Variants in BCAS3 observed in about 807,000 individuals in gnomAD.
The protein encoded by BCAS3 is BCAS4/BCAS3 fusion.
A neutral mutation model predicts 116.1 loss-of-function variants in BCAS3; 53 were observed. That is an observed-to-expected ratio of 0.46 (90% CI 0.37 to 0.57). The LOEUF is 0.57. Among genes scored for constraint, BCAS3 ranks in the 20% least tolerant of loss-of-function variants. The pLI is 0.00. For synonymous variants in BCAS3, 391 were observed against 408.2 expected (o/e 0.96, Z 0.51); for missense variants, 917 against 1,165.4 (o/e 0.79, Z 3.10).
chr17:60,896,314 A>C (rs2057507669), intron 10 of BCAS3, among the ~76,000 whole-genome samples: 1 of 152,224 alleles, frequency 6.6e-6, no homozygotes, highest in Non-Finnish European at 1.5e-5. Flanking sequence ...AGCAAGACTC[A>C]GTCTCAATAA....
chr17:61,026,387 T>C lies in BCAS3; in HGVS notation c.1638-8279T>C, dbSNP rs1415967042. 6.6e-6 allele frequency among the ~76,000 whole-genome samples: 1 copy of C among 152,076 alleles called. No individual in the cohort carries two copies. The highest frequency in any genetic ancestry group is 1.5e-5 in the Non-Finnish European group (1 of 67,954). ...CGACAAATAAGCAGCTTGAAAAATA[T>C]GTGCCTCTTTCTGTGGTTCTGAGAC... On this transcript the variant is annotated intron_variant, in intron 16 of 23. Coordinates refer to ENST00000407086, the MANE Select transcript of BCAS3 (RefSeq NM_017679.5). The surrounding 1 kb of genome is among the most constrained non-coding windows in gnomAD (Gnocchi z 5.0).
chr17:61,201,606 G>A (rs945263958), intron 22 of BCAS3, among the ~76,000 whole-genome samples: 3 of 152,158 alleles, frequency 2.0e-5, no homozygotes, highest in Non-Finnish European at 2.9e-5. Flanking sequence ...AAGCCCTAGC[G>A]AGTTTGCTCA....
chr17:60,687,717 A>C (rs904283666), intron 3 of BCAS3, among the ~76,000 whole-genome samples: 5 of 152,114 alleles, frequency 3.3e-5, no homozygotes, highest in African/African-American at 4.8e-5. Context: ...ATATCTAAGC[A>C]TGGGAAAAGG....
chr17:60,841,380 CTTT>C (rs1220454180), intron 7 of BCAS3, among the ~76,000 whole-genome samples: 5 of 137,872 alleles, frequency 3.6e-5, no homozygotes, highest in Non-Finnish European at 3.2e-5. Context: ...TCTTCTCATA[CTTT>C]TTTTTTTTTT....
intron 5 of BCAS3, among the ~76,000 whole-genome samples, chr17:60,727,851 A>G (rs2040054772): frequency 6.8e-6 from 1 of 148,008 alleles, no homozygotes; most frequent in South Asian, 2.1e-4. Context: ...TCTGTTGGCC[A>G]TGCTGGAGTA....
At chr17:60,948,619 T>G (rs2060657287) in intron 14 of BCAS3, among the ~76,000 whole-genome samples, 1 of 152,192 alleles carries the variant, frequency 6.6e-6, no homozygotes, top group Non-Finnish European at 1.5e-5. Context: ...CAGTCTAAAG[T>G]GATGTTTCTC....
intron 4 of BCAS3, among the ~76,000 whole-genome samples, chr17:60,695,752 C>T (rs1224889184): frequency 1.3e-5 from 2 of 152,062 alleles, no homozygotes; most frequent in East Asian, 1.9e-4. Context: ...GCACATGCCA[C>T]CATGCCCAGC....
chr17:60,945,718 T>C (rs1158432370), intron 13 of BCAS3, among the ~76,000 whole-genome samples: 1 of 150,900 alleles, frequency 6.6e-6, no homozygotes, highest in Non-Finnish European at 1.5e-5. Flanking sequence ...TGAGAATCTG[T>C]TGAACCCAGG....
intron 22 of BCAS3, among the ~76,000 whole-genome samples, chr17:61,304,903 A>G (rs777374894): frequency 5.9e-5 from 9 of 151,976 alleles, no homozygotes; most frequent in Non-Finnish European, 1.0e-4. Flanking sequence ...ACAGGCGTGC[A>G]CCACCACGCC....
At chr17:61,014,906 A>C (rs1452897474) in intron 15 of BCAS3, among the ~76,000 whole-genome samples, 2 of 152,176 alleles carry the variant, frequency 1.3e-5, no homozygotes, top group Non-Finnish European at 2.9e-5. Flanking sequence ...AAAAGAATGA[A>C]ATAATTAGTA....
At chr17:61,221,625 T>G (rs1357983607) in intron 22 of BCAS3, among the ~76,000 whole-genome samples, 1 of 152,176 alleles carries the variant, frequency 6.6e-6, no homozygotes, top group East Asian at 1.9e-4. Context: ...AGAGCTGGGC[T>G]TCTCTCCTAA....
At chr17:61,369,141 A>G (rs548869006) in intron 23 of BCAS3, among the ~76,000 whole-genome samples, 2 of 152,220 alleles carry the variant, frequency 1.3e-5, no homozygotes, top group African/African-American at 4.8e-5. Context: ...CCAATCATCC[A>G]TCTCCAGTAC....
intron 22 of BCAS3, among the ~76,000 whole-genome samples, chr17:61,297,866 T>G (rs975307337): frequency 3.3e-5 from 5 of 152,340 alleles, no homozygotes; most frequent in Middle Eastern, 6.8e-3. Context: ...CAAGTATTTT[T>G]CTTTCTCTAA....
chr17:60,759,570 G>A (rs1268172301), intron 6 of BCAS3, among the ~76,000 whole-genome samples: 1 of 149,174 alleles, frequency 6.7e-6, no homozygotes, highest in Non-Finnish European at 1.5e-5. Context: ...GGATGCATAT[G>A]TATTTAGAAT....
chr17:61,234,922 C>G (rs186515452), intron 22 of BCAS3, among the ~76,000 whole-genome samples: 1 of 152,262 alleles, frequency 6.6e-6, no homozygotes, highest in East Asian at 1.9e-4. Flanking sequence ...GAGTCTCGCT[C>G]TGTCACCCAG....
At chr17:60,866,783 C>T (rs1379743137) in intron 7 of BCAS3, among the ~76,000 whole-genome samples, 2 of 151,856 alleles carry the variant, frequency 1.3e-5, no homozygotes, top group Non-Finnish European at 2.9e-5. Context: ...TTTGTTTGTT[C>T]CTTCTTTATT....
In BCAS3 at chr17:61,378,972, A is replaced by C. The variant is rs900483789; in HGVS notation, c.2593+10478A>C. 6.6e-6 allele frequency: 1 copy of C among 152,260 alleles called. No homozygotes were observed. Among genetic ancestry groups the C allele is most frequent in the Non-Finnish European group, 1.5e-5 (1 of 68,066 alleles). The allele number at this position is 152,260 out of a possible 1,614,324, so 9.4% of individuals were successfully genotyped here. On this transcript the variant is annotated intron_variant, in intron 23 of 23. Transcript: ENST00000407086. This position sits in a 1 kb window ranked among gnomAD's most constrained non-coding sequence, Gnocchi z 5.8. ...CAAGGCACAGTGATTCCTATCAACA[A>C]GGAGGAAGTGCCAGTGCGACCTCTG...
intron 5 of BCAS3, among the ~76,000 whole-genome samples, chr17:60,713,877 A>C (rs998499046): frequency 2.0e-5 from 3 of 152,192 alleles, no homozygotes; most frequent in Non-Finnish European, 2.9e-5. Flanking sequence ...GCTGTTGCCC[A>C]GGCTGGAGTG....
At chr17:60,886,751 C>T (rs1427759405) in intron 9 of BCAS3, among the ~76,000 whole-genome samples, 3 of 152,126 alleles carry the variant, frequency 2.0e-5, no homozygotes, top group Non-Finnish European at 4.4e-5. Flanking sequence ...CCCAGTTAGG[C>T]TGCTCGGGGG....
Sources: gnomAD v4.1 joint callset for allele counts (sites outside exome capture counted in the v4.1 genomes callset) on GRCh38, gnomAD v4.1.1 for gene constraint, Gnocchi (gnomAD v3.1) non-coding constraint, MANE v1.5 for transcripts, NCBI Gene and HGNC (gene_info 2026-07-23, HGNC 2026-07-21) for gene names.